PRKG2: variants seen among roughly 807,000 people sequenced by gnomAD.
PRKG2 encodes protein kinase cGMP-dependent 2, also known as cGMP-dependent protein kinase 2.
A neutral mutation model predicts 97.2 loss-of-function variants in PRKG2; 33 were observed. The ratio of observed to expected loss-of-function variants is 0.34; its 90% CI spans 0.26 to 0.45. PRKG2 has a LOEUF of 0.45. Ranked by LOEUF, PRKG2 falls within the 20% of genes least tolerant of loss-of-function variation. The pLI is 1.00. For synonymous variants in PRKG2, 330 were observed against 321.8 expected, an observed-to-expected ratio of 1.03 and a Z score of -0.27; for missense variants, 638 against 900.0, an observed-to-expected ratio of 0.71 and a Z score of 3.73.
chr4:81,173,285 T>G (rs1750648632), intron 3 of PRKG2, among the ~76,000 whole-genome samples: 1 of 152,162 alleles, frequency 6.6e-6, no homozygotes, highest in Non-Finnish European at 1.5e-5. Flanking sequence ...CATCCAATTT[T>G]CATTTCCATG....
intron 2 of PRKG2, among the ~76,000 whole-genome samples, chr4:81,187,752 A>C (rs912082616): frequency 2.0e-5 from 3 of 152,224 alleles, no homozygotes; most frequent in Middle Eastern, 3.2e-3. Context: ...TAAGCTGATA[A>C]GCAACTTCAT....
chr4:81,212,787 A>G lies in PRKG2; in HGVS notation c.-14+2149T>C, dbSNP rs188480808. On this transcript the variant is annotated intron_variant, in intron 1 of 18. Coordinates refer to ENST00000264399, the MANE Select transcript of PRKG2 (RefSeq NM_006259.3). ...AGGAGAGGAGAGTGTCTAGGTCTAT[A>G]TGAGGTTGGAAAGAAAACTGTAAGA... is the stretch of plus-strand genomic sequence containing the variant. Among the ~76,000 whole-genome samples, 5 of 152,296 alleles carry G rather than the reference A, an allele frequency of 3.3e-5. No homozygotes were observed. The East Asian group carries it at 9.6e-4, about 29-fold the overall frequency.
At chr4:81,097,513 A>G (rs1304859254) in intron 17 of PRKG2, among the ~76,000 whole-genome samples, 1 of 152,190 alleles carries the variant, frequency 6.6e-6, no homozygotes, top group African/African-American at 2.4e-5. Context: ...ATTCCTAATA[A>G]GAGAGTTAAT....
At chr4:81,150,612 T>C (rs976392320) in intron 8 of PRKG2, among the ~76,000 whole-genome samples, 4 of 152,178 alleles carry the variant, frequency 2.6e-5, no homozygotes, top group Admixed American at 6.6e-5. Flanking sequence ...AACACTATAA[T>C]TGGCTAGCCA....
At chr4:81,177,546 C>CA (rs2110091453) in intron 2 of PRKG2, among the ~76,000 whole-genome samples, 1 of 152,078 alleles carries the variant, frequency 6.6e-6, no homozygotes, top group African/African-American at 2.4e-5. Flanking sequence ...TCTACTAATA[C>CA]AAAAAAATTA....
chr4:81,133,131 A>G (rs1746340209), intron 14 of PRKG2, among the ~76,000 whole-genome samples: 1 of 151,932 alleles, frequency 6.6e-6, no homozygotes, highest in African/African-American at 2.4e-5. Flanking sequence ...ATTTCATTTA[A>G]ATTCTTGCTT....
chr4:81,153,835 C>T (rs1206797414), intron 6 of PRKG2, 114 bp from the exon 7 acceptor site: 1 of 720,614 alleles, frequency 1.4e-6, no homozygotes, highest in East Asian at 2.8e-5. Context: ...CGGGTGATTT[C>T]TGTATTTCCA....
chr4:81,175,479 T>G (rs1202509602), intron 2 of PRKG2: 1 of 152,162 alleles, frequency 6.6e-6, no homozygotes, highest in Non-Finnish European at 1.5e-5. Flanking sequence ...GCAACTAATT[T>G]TTCATGGGAT....
chr4:81,105,865 A>G lies in PRKG2; in HGVS notation c.2011T>C (p.Phe671Leu), dbSNP rs190673928. Residue 671 changes from phenylalanine (F) to leucine (L), a missense_variant, in exon 16 of 19, where the codon TTT becomes CTT. Coordinates refer to ENST00000264399, the MANE Select transcript of PRKG2 (RefSeq NM_006259.3). The stretch of plus-strand genomic sequence containing the variant: ...GGTCGTCGTGTTATCTTCCTGGGAA[A>G]ATCCATTTTTTCAATTCCTTTGAGA... Reference protein sequence around the residue: ...LILKGIEKMDFPRKITRRPED... With the variant: ...LILKGIEKMDLPRKITRRPED... 6.2e-7 allele frequency: 1 copy of G among 1,613,866 alleles called. No individual in the cohort carries two copies. The highest frequency in any genetic ancestry group is 1.7e-5 in the Admixed American group (1 of 60,008).
intron 17 of PRKG2, among the ~76,000 whole-genome samples, chr4:81,094,263 T>G (rs1394481830): frequency 1.3e-5 from 2 of 152,124 alleles, no homozygotes; most frequent in Non-Finnish European, 2.9e-5. Context: ...GTAGCTATTT[T>G]TGGGAAAGAT....
intron 5 of PRKG2, among the ~76,000 whole-genome samples, chr4:81,167,675 G>A (rs773229190): frequency 2.1e-4 from 32 of 151,996 alleles, no homozygotes; most frequent in Admixed American, 3.9e-4. Flanking sequence ...CCGGGGTTGG[G>A]AGGGAACATG....
chr4:81,161,535 A>C (rs543677372), intron 6 of PRKG2, among the ~76,000 whole-genome samples: 1 of 152,134 alleles, frequency 6.6e-6, no homozygotes. Flanking sequence ...GGCTTATGTC[A>C]TTCTGGAAGC....
chr4:81,116,985 C>CTTTTTTATTTTTTTT (rs1744600830), intron 14 of PRKG2, among the ~76,000 whole-genome samples: 1 of 78,988 alleles, frequency 1.3e-5, no homozygotes, highest in Non-Finnish European at 2.2e-5. Context: ...CCTGTTGTTA[C>CTTTTTTATTTTTTTT]TTTTTTTTTT....
intron 14 of PRKG2, among the ~76,000 whole-genome samples, chr4:81,116,959 T>G (rs1408895133): frequency 6.6e-6 from 1 of 151,212 alleles, no homozygotes; most frequent in Non-Finnish European, 1.5e-5. Context: ...CTCCCATCTG[T>G]AGGTTATCTA....
chr4:81,210,375 TG>T (rs1753906667), intron 1 of PRKG2, among the ~76,000 whole-genome samples: 1 of 151,792 alleles, frequency 6.6e-6, no homozygotes, highest in Admixed American at 6.6e-5. Context: ...ACAACCCAAC[TG>T]AAAAATGGGC....
At chr4:81,153,925 C>G (rs937316013) in intron 6 of PRKG2, among the ~76,000 whole-genome samples, 1 of 152,090 alleles carries the variant, frequency 6.6e-6, no homozygotes, top group Non-Finnish European at 1.5e-5. Context: ...GTGCGCGAGC[C>G]GAAGCAGGGC....
intron 3 of PRKG2, among the ~76,000 whole-genome samples, chr4:81,173,060 A>G (rs962647893): frequency 6.6e-6 from 1 of 152,166 alleles, no homozygotes; most frequent in Non-Finnish European, 1.5e-5. Flanking sequence ...TCAAGTTTTT[A>G]TCTTGAAATT....
At chr4:81,180,191 A>C (rs977269128) in intron 2 of PRKG2, among the ~76,000 whole-genome samples, 3 of 152,152 alleles carry the variant, frequency 2.0e-5, no homozygotes, top group African/African-American at 7.2e-5. Context: ...CAAGGATAAA[A>C]TAGAATTAAA....
chr4:81,214,175 GAGAAGA>G (rs1397378195), intron 1 of PRKG2, among the ~76,000 whole-genome samples: 1 of 149,602 alleles, frequency 6.7e-6, no homozygotes, highest in Non-Finnish European at 1.5e-5. Context: ...AAAAAAGAAG[GAGAAGA>G]AGAAGAAGGA....
Sources: allele counts gnomAD v4.1 joint callset (sites outside exome capture counted in the v4.1 genomes callset), GRCh38; gene constraint gnomAD v4.1.1; transcripts MANE v1.5; gene names NCBI Gene and HGNC (gene_info 2026-07-23, HGNC 2026-07-21).